KPNA3: variants seen among roughly 807,000 people sequenced by gnomAD.
The protein encoded by KPNA3 is karyopherin subunit alpha 3.
In KPNA3, 13 loss-of-function variants were observed where a neutral mutation model predicts 73.8. The observed-to-expected ratio is 0.18, with a 90% CI of 0.11 to 0.28. The LOEUF (loss-of-function observed/expected upper bound fraction) is 0.28. Ranked by LOEUF, KPNA3 falls within the 10% of genes least tolerant of loss-of-function variation. The probability of loss-of-function intolerance (pLI) is 1.00; values close to 1 mark genes in which losing one functional copy is unlikely to be tolerated. For missense variants in KPNA3, 360 were observed against 618.1 expected (o/e 0.58, Z 4.43); for synonymous variants, 186 against 206.9 (o/e 0.90, Z 0.87).
chr13:49,782,738 G>A (rs1249461053), intron 1 of KPNA3, among the ~76,000 whole-genome samples: 1 of 151,956 alleles, frequency 6.6e-6, no homozygotes, highest in African/African-American at 2.4e-5. Flanking sequence ...AATTAGCTGG[G>A]CGTGGTGGCG....
chr13:49,748,321 T>C (rs1954635524), intron 1 of KPNA3, among the ~76,000 whole-genome samples: 1 of 144,086 alleles, frequency 6.9e-6, no homozygotes, highest in African/African-American at 3.0e-5. Flanking sequence ...TAAGGTATCC[T>C]TCTGAGTTTA....
chr13:49,704,118 T>C (rs188751141), intron 15 of KPNA3, among the ~76,000 whole-genome samples: 3 of 152,126 alleles, frequency 2.0e-5, no homozygotes, highest in Non-Finnish European at 4.4e-5. Flanking sequence ...TGTGGGATAA[T>C]TTCTTCTCAA....
At chr13:49,770,826 C>T (rs1594459000) in intron 1 of KPNA3, among the ~76,000 whole-genome samples, 1 of 147,512 alleles carries the variant, frequency 6.8e-6, no homozygotes, top group African/African-American at 2.5e-5. Context: ...ATTGACCTAC[C>T]CACCTACCAA....
intron 12 of KPNA3, among the ~76,000 whole-genome samples, chr13:49,708,586 G>A (rs1438565745): frequency 6.6e-6 from 1 of 152,176 alleles, no homozygotes; most frequent in Non-Finnish European, 1.5e-5. Flanking sequence ...AATGTTCACT[G>A]CAGCATTCTT....
intron 10 of KPNA3, 84 bp downstream of exon 10, chr13:49,719,691 T>C: frequency 1.1e-6 from 1 of 904,348 alleles, no homozygotes; most frequent in Non-Finnish European, 1.8e-6. Flanking sequence ...GACAAGTTGA[T>C]AAAATGTATG....
At position 49,709,704 on chromosome 13, in the gene KPNA3, G is replaced by C. The variant is rs1954242112; in HGVS notation, c.904-4C>G. 6.2e-7 allele frequency: 1 copy of C among 1,607,986 alleles called. No homozygotes were observed. ...CAACTGCTCTGAGGGCTGCTGTCTA[G>C]GGTGGGGATAAAATGTTTTCTATAA... On this transcript the variant is annotated splice_region_variant and splice_polypyrimidine_tract_variant and intron_variant, in intron 11 of 16. Transcript: ENST00000261667.
chr13:49,736,939 T>A (rs1333977165), intron 2 of KPNA3, among the ~76,000 whole-genome samples: 1 of 152,192 alleles, frequency 6.6e-6, no homozygotes, highest in Non-Finnish European at 1.5e-5. Flanking sequence ...GTATATAACC[T>A]TTTTATGACA....
chr13:49,790,687 A>G (rs906208532), intron 1 of KPNA3, among the ~76,000 whole-genome samples: 11 of 152,208 alleles, frequency 7.2e-5, no homozygotes, highest in African/African-American at 2.7e-4. Context: ...TTTTTCATGC[A>G]TCTAAAAGTC....
intron 2 of KPNA3, among the ~76,000 whole-genome samples, chr13:49,746,314 G>T (rs1386005589): frequency 6.6e-6 from 1 of 150,732 alleles, no homozygotes; most frequent in Non-Finnish European, 1.5e-5. Flanking sequence ...GCTGGGTGTG[G>T]TGGTGTGCCT....
chr13:49,752,785 T>A (rs1392572291), intron 1 of KPNA3, among the ~76,000 whole-genome samples: 1 of 151,786 alleles, frequency 6.6e-6, no homozygotes, highest in Non-Finnish European at 1.5e-5. Flanking sequence ...TCCCAGCACT[T>A]TGGGAGGCCG....
chr13:49,714,709 T>C (rs1416909279), intron 10 of KPNA3, among the ~76,000 whole-genome samples: 1 of 152,066 alleles, frequency 6.6e-6, no homozygotes, highest in Admixed American at 6.5e-5. Context: ...TCAACTTTAA[T>C]AAAACAATAG....
At chr13:49,787,868 C>T (rs570232897) in intron 1 of KPNA3, among the ~76,000 whole-genome samples, 21 of 151,960 alleles carry the variant, frequency 1.4e-4, no homozygotes, top group African/African-American at 1.2e-4. Flanking sequence ...TTAGTAGAGA[C>T]GGGGTTTCAC....
At chr13:49,716,508 G>C (rs61961460) in intron 10 of KPNA3, among the ~76,000 whole-genome samples, 4 of 151,778 alleles carry the variant, frequency 2.6e-5, no homozygotes, top group Non-Finnish European at 5.9e-5. Context: ...GCGTGATCTC[G>C]GTTCATTGCA....
intron 1 of KPNA3, among the ~76,000 whole-genome samples, chr13:49,766,438 A>G (rs1381793865): frequency 6.6e-6 from 1 of 152,164 alleles, no homozygotes; most frequent in Non-Finnish European, 1.5e-5. Context: ...TGGTGTCTGT[A>G]TTATCTGTGA....
Position 49,699,697 on chromosome 13 carries a change from C to T in KPNA3, c.*2103G>A, listed in dbSNP as rs17073314. 0.018 allele frequency: 2,729 copies of T among 152,598 alleles called. 37 individuals are homozygous for T. The highest frequency in any genetic ancestry group is 0.027 in the Non-Finnish European group (1,828 of 67,988). 9.5% of individuals were successfully genotyped at this position (152,598 alleles called of 1,614,324 possible). On this transcript the variant is annotated 3_prime_UTR_variant, in exon 17 of 17. Coordinates refer to ENST00000261667, the MANE Select transcript of KPNA3 (RefSeq NM_002267.4). ...GGCCCAATTTTAATCATAATGTGTG[C>T]AAATTTTAAAAGGTAACTGTCAGTT...
Position 49,701,213 on chromosome 13 carries a change from T to TA in KPNA3, c.*586dup, listed in dbSNP as rs35124761. On this transcript the variant is annotated 3_prime_UTR_variant, in exon 17 of 17. Transcript: ENST00000261667. ...AGATGAAGTAGTTTTTTTTTTTTTTTAAACTTATCTGTTTATTCAATAACC... is the reference window on the plus strand; with the variant it reads ...AGATGAAGTAGTTTTTTTTTTTTTTTAAAACTTATCTGTTTATTCAATAACC... 0.25 allele frequency: 38,408 copies of TA among 154,074 alleles called. 5,287 individuals carry two copies. The highest frequency in any genetic ancestry group is 0.32 in the Non-Finnish European group (22,185 of 69,500). The allele number at this position is 154,074 out of a possible 1,614,324, so 9.5% of individuals were successfully genotyped here.
intron 9 of KPNA3, among the ~76,000 whole-genome samples, chr13:49,720,119 G>C (rs1954341245): frequency 6.6e-6 from 1 of 152,052 alleles, no homozygotes; most frequent in African/African-American, 2.4e-5. Flanking sequence ...CTTCTTTATG[G>C]CATAAAATGT....
chr13:49,740,958 G>A (rs1338633723), intron 2 of KPNA3, among the ~76,000 whole-genome samples: 1 of 152,106 alleles, frequency 6.6e-6, no homozygotes, highest in African/African-American at 2.4e-5. Context: ...GTTCATCCAC[G>A]TTGTTGCAAA....
At chr13:49,715,169 T>TA (rs974519555) in intron 10 of KPNA3, among the ~76,000 whole-genome samples, 3 of 151,838 alleles carry the variant, frequency 2.0e-5, no homozygotes, top group South Asian at 4.2e-4. Flanking sequence ...TAGATACAAT[T>TA]AAAAAAAATT....
Sources: gnomAD v4.1 joint callset for allele counts (sites outside exome capture counted in the v4.1 genomes callset) on GRCh38, gnomAD v4.1.1 for gene constraint, MANE v1.5 for transcripts, NCBI Gene and HGNC (gene_info 2026-07-23, HGNC 2026-07-21) for gene names.